Variants in SLC49A3 observed in about 807,000 individuals in gnomAD.
The protein encoded by SLC49A3 is solute carrier family 49 member A3.
SLC49A3 carries 50 observed loss-of-function variants against 43.8 expected under a neutral mutation model. That is an observed-to-expected ratio of 1.14 (90% CI 0.91 to 1.45). The LOEUF (loss-of-function observed/expected upper bound fraction) is 1.45, where lower values mean the gene tolerates loss of function less well. SLC49A3 is among the 40% of genes most tolerant of loss of function. The probability of loss-of-function intolerance (pLI) is 0.00; values close to 1 mark genes in which losing one functional copy is unlikely to be tolerated. For missense variants in SLC49A3, 906 were observed against 774.1 expected (o/e 1.17, Z -2.02); for synonymous variants, 413 against 352.0 (o/e 1.17, Z -1.94).
upstream of SLC49A3, among the ~76,000 whole-genome samples, chr4:691,282 CAA>C (rs71166826): frequency 4.3e-5 from 5 of 115,712 alleles, no homozygotes; most frequent in Middle Eastern, 6.0e-3. Flanking sequence ...GACTCTGTCT[CAA>C]AAAAAAAAAA....
chr4:684,435 T>A (rs955709519), intron 6 of SLC49A3, 48 bp downstream of exon 6: 1 of 1,605,398 alleles, frequency 6.2e-7, no homozygotes, highest in Non-Finnish European at 8.5e-7. Flanking sequence ...CATGGCCATA[T>A]GGGGCGGATG....
downstream of SLC49A3, chr4:680,606 A>C: frequency 6.2e-7 from 1 of 1,610,520 alleles, no homozygotes; most frequent in African/African-American, 1.3e-5. Flanking sequence ...CCGGGCGGCC[A>C]GGGCGGCCCG....
downstream of SLC49A3, chr4:678,237 G>A (rs1739053988): frequency 6.7e-6 from 10 of 1,484,842 alleles, no homozygotes; most frequent in Non-Finnish European, 8.1e-6. Context: ...TGTGTTGTGG[G>A]AAGTACGTGC....
rs569590206 is a variant in SLC49A3 at position 685,464 on chromosome 4, C to T, written c.585+371G>A. 6.6e-6 allele frequency among the ~76,000 whole-genome samples: 1 copy of T among 152,026 alleles called. No individual in the cohort carries two copies. Among genetic ancestry groups the T allele is most frequent in the South Asian group, 2.1e-4 (1 of 4,816 alleles). The stretch of plus-strand genomic sequence containing the variant: ...CCTGTCATCCTAGCACTTTGGGAAG[C>T]CGAGGCAGACGGATCATGAGGTCAG... On this transcript the variant is annotated intron_variant, in intron 4 of 9. Transcript: ENST00000322224. This position sits in a 1 kb window ranked among gnomAD's most constrained non-coding sequence, Gnocchi z 4.3.
chr4:681,041 G>A (rs1001385348), downstream of SLC49A3: 5 of 1,559,706 alleles, frequency 3.2e-6, no homozygotes, highest in East Asian at 1.2e-4. Flanking sequence ...CCACCGAGAA[G>A]GCTCCTGCAC....
At chr4:678,999 C>T (rs762758004), downstream of SLC49A3, 2 of 1,613,806 alleles carry the variant, frequency 1.2e-6, no homozygotes, top group South Asian at 1.1e-5. Context: ...GCTTCATTGA[C>T]AAGGAGGACC....
downstream of SLC49A3, chr4:677,782 T>C: frequency 1.6e-6 from 1 of 616,534 alleles, no homozygotes. Flanking sequence ...GGATGGGAGG[T>C]AGTCCTGGCC....
intron 8 of SLC49A3, 132 bp from the exon 9 acceptor site, chr4:683,022 C>G: frequency 9.1e-7 from 1 of 1,103,048 alleles, no homozygotes; most frequent in Non-Finnish European, 1.3e-6. Flanking sequence ...CAGCCTCGGT[C>G]ATGGGCCCTA....
At chr4:679,129 AG>A (rs1560153559), downstream of SLC49A3, 1 of 975,306 alleles carries the variant, frequency 1.0e-6, no homozygotes, top group South Asian at 1.7e-5. Context: ...GAATGGAGCC[AG>A]GGCCCGCGCC....
At chr4:691,592 CACAAAA>C (rs1212579837), upstream of SLC49A3, among the ~76,000 whole-genome samples, 2 of 147,120 alleles carry the variant, frequency 1.4e-5, no homozygotes, top group Non-Finnish European at 3.0e-5. Flanking sequence ...GAGACTCTGT[CACAAAA>C]AAAAAACAAA....
chr4:688,880 C>G, intron 1 of SLC49A3, 113 bp downstream of exon 1: 1 of 1,415,520 alleles, frequency 7.1e-7, no homozygotes, highest in Non-Finnish European at 9.2e-7. Flanking sequence ...AGAAGGCACC[C>G]CCCGCCCCCA....
rs746710247 is a variant in SLC49A3, at chr4:683,618, G to C, written c.984C>G (p.Pro328=). The change falls in exon 7 of 10, where the codon CCC becomes CCG. Residue 328 remains proline, a synonymous_variant. Coordinates refer to ENST00000322224, the MANE Select transcript of SLC49A3 (RefSeq NM_032219.4). ...GLCLFSLACV[P]FALVSQLQGQ... The stretch of plus-strand genomic sequence containing the variant: ...TTGAGGAGACCCTCACCAGGGCAAA[G>C]GGCACGCAGGCCAGAGAGAACAGGC... 1 of 1,604,710 alleles carries C rather than the reference G, an allele frequency of 6.2e-7. No individual in the cohort carries two copies. The highest frequency in any genetic ancestry group is 1.1e-5 in the South Asian group (1 of 90,640).
chr4:685,038 C>G lies in SLC49A3; in HGVS notation c.586-182G>C, dbSNP rs1740712571. 2.6e-6 allele frequency: 2 copies of G among 770,498 alleles called. No individual in the cohort carries two copies. Among genetic ancestry groups the G allele is most frequent in the Non-Finnish European group, 4.0e-6 (2 of 505,656 alleles). The allele number at this position is 770,498 out of a possible 1,614,324, so 47.7% of individuals were successfully genotyped here. On this transcript the variant is annotated intron_variant, in intron 4 of 9. Transcript: ENST00000322224. The surrounding 1 kb of genome is among the most constrained non-coding windows in gnomAD (Gnocchi z 4.3). ...CTGGGAGGGGCCTGCTCCAGGGGCTCATGGGGACCCCTGGCTGTCAACGCA... is the reference window on the plus strand; with the variant it reads ...CTGGGAGGGGCCTGCTCCAGGGGCTGATGGGGACCCCTGGCTGTCAACGCA...
chr4:688,827 GGACA>G lies in SLC49A3; in HGVS notation c.135+162_135+165del, dbSNP rs1009921154. On this transcript the variant is annotated intron_variant, in intron 1 of 9. Transcript: ENST00000322224. ...TGTGCCCTGGGCCCAGCCACCTCCA[GGACA>G]GACAGTGCCCCCAGTGCCCGCAATC... 8 of 1,188,864 alleles carry G rather than the reference GGACA, an allele frequency of 6.7e-6. No individual in the cohort carries two copies. The African/African-American group carries it at 8.1e-5, about 12-fold the overall frequency. The allele number at this position is 1,188,864 out of a possible 1,614,324, so 73.6% of individuals were successfully genotyped here. A position where few individuals can be genotyped will look rare whatever the true frequency, so the allele number is the denominator to read the frequency against.
chr4:682,202 G>A lies in SLC49A3; in HGVS notation c.1436C>T (p.Ala479Val). 2 of 1,370,220 alleles carry A rather than the reference G, an allele frequency of 1.5e-6. No individual in the cohort carries two copies. Among genetic ancestry groups the A allele is most frequent in the Non-Finnish European group, 1.9e-6 (2 of 1,050,544 alleles). The allele number at this position is 1,370,220 out of a possible 1,614,324, so 84.9% of individuals were successfully genotyped here. A position where few individuals can be genotyped will look rare whatever the true frequency, so the allele number is the denominator to read the frequency against. ...CGCCGTGCTGGGCCCCAGGACCCCA[G>A]CCCTTCCTGCTCCCCCTCGGTCCAC... Reference protein sequence around the residue: ...PGVDRGGAGRAGVLGPSTATP... With the variant: ...PGVDRGGAGRVGVLGPSTATP... Residue 479 changes from alanine (A) to valine (V), a missense_variant, in exon 10 of 10, where the codon GCT (alanine) becomes GTT (valine). Physicochemically the swap from Ala to Val is moderately conservative, Grantham distance 64. Coordinates refer to ENST00000322224, the MANE Select transcript of SLC49A3 (RefSeq NM_032219.4).
Position 682,071 on chromosome 4 carries a change from C to A in SLC49A3, c.1567G>T (p.Ala523Ser). The part of the protein sequence containing the change: ...RATPRAQGPA[A>S]TDAPSRPGRL... ...CCGGGGCGGGAGGGCGCGTCGGTGGCTGCTGGGCCTTGCGCACGGGGAGTC... is the reference window on the plus strand; with the variant it reads ...CCGGGGCGGGAGGGCGCGTCGGTGGATGCTGGGCCTTGCGCACGGGGAGTC... The change falls in exon 10 of 10, where the codon GCC (alanine) becomes TCC (serine). Residue 523 changes from alanine to serine, a missense_variant. Coordinates refer to ENST00000322224, the MANE Select transcript of SLC49A3 (RefSeq NM_032219.4). 1 of 1,408,012 alleles carries A rather than the reference C, an allele frequency of 7.1e-7. No homozygotes were observed. The highest frequency in any genetic ancestry group is 9.4e-7 in the Non-Finnish European group (1 of 1,069,410). 87.2% of individuals were successfully genotyped at this position (1,408,012 alleles called of 1,614,324 possible).
At position 682,897 on chromosome 4, in the gene SLC49A3, A is replaced by G. The variant is rs1224659031; in HGVS notation, c.1152-7T>C. 1 of 1,579,670 alleles carries G rather than the reference A, an allele frequency of 6.3e-7. No homozygotes were observed. The highest frequency in any genetic ancestry group is 1.1e-5 in the South Asian group (1 of 88,478). ...GAGTATTCCCTCGGCCTGCCTGGAC[A>G]CACGTGGCCCTCAGCCCCCGCTGCA... On this transcript the variant is annotated splice_region_variant and splice_polypyrimidine_tract_variant and intron_variant, in intron 8 of 9. Coordinates refer to ENST00000322224, the MANE Select transcript of SLC49A3 (RefSeq NM_032219.4).
rs1375121615 is a variant in SLC49A3, at chr4:681,881, C to T, written c.*77G>A. Reference sequence around the variant, plus strand: ...CGGAGCCCGCAAGGAGCCCTTTCGCCCCCGCCCGCAGGTGGACCAGATGTT... The same window carrying T: ...CGGAGCCCGCAAGGAGCCCTTTCGCTCCCGCCCGCAGGTGGACCAGATGTT... On this transcript the variant is annotated 3_prime_UTR_variant, in exon 10 of 10. Transcript: ENST00000322224. 3.8e-6 allele frequency: 5 copies of T among 1,313,464 alleles called. No individual in the cohort carries two copies. Among genetic ancestry groups the T allele is most frequent in the Non-Finnish European group, 3.9e-6 (4 of 1,022,038 alleles). 81.4% of individuals were successfully genotyped at this position (1,313,464 alleles called of 1,614,324 possible). A position where few individuals can be genotyped will look rare whatever the true frequency, so the allele number is the denominator to read the frequency against.
downstream of SLC49A3, chr4:680,646 T>A: frequency 6.4e-7 from 1 of 1,563,978 alleles, no homozygotes; most frequent in African/African-American, 1.4e-5. Flanking sequence ...GATCTCATCC[T>A]GTCCCAAAAG....
Sources: allele counts gnomAD v4.1 joint callset (sites outside exome capture counted in the v4.1 genomes callset), GRCh38; gene constraint gnomAD v4.1.1; non-coding constraint Gnocchi (gnomAD v3.1); transcripts MANE v1.5; gene names NCBI Gene and HGNC (gene_info 2026-07-23, HGNC 2026-07-21).